C14orf93: variants seen among roughly 807,000 people sequenced by gnomAD.
C14orf93 encodes the protein uncharacterized protein C14orf93.
C14orf93 carries 23 observed loss-of-function variants against 44.0 expected under a neutral mutation model. That is an observed-to-expected ratio of 0.52 (90% confidence interval 0.38 to 0.74). The LOEUF (loss-of-function observed/expected upper bound fraction) is 0.74. Ranked by LOEUF, C14orf93 falls within the 30% of genes least tolerant of loss-of-function variation. The probability of loss-of-function intolerance (pLI) is 0.00; values close to 1 mark genes in which losing one functional copy is unlikely to be tolerated. For synonymous variants in C14orf93, 253 were observed against 265.7 expected (o/e 0.95, Z 0.46); for missense variants, 579 against 678.9 (o/e 0.85, Z 1.64).
chr14:22,993,396 C>T (rs2045779078), intron 3 of C14orf93, among the ~76,000 whole-genome samples: 1 of 152,316 alleles, frequency 6.6e-6, no homozygotes, highest in Middle Eastern at 3.4e-3. Flanking sequence ...GTATTGTCAA[C>T]TCTTTATGGC....
chr14:22,995,679 CAAAAAAAAAAAAAA>C (rs58710730), intron 3 of C14orf93, among the ~76,000 whole-genome samples: 1 of 45,040 alleles, frequency 2.2e-5, no homozygotes, highest in South Asian at 9.6e-4. Flanking sequence ...GACTCTGACT[CAAAAAAAAAAAAAA>C]AAAAAAAAAA....
Position 23,002,023 on chromosome 14 carries a change from A to C in C14orf93, c.-379-2621T>G, listed in dbSNP as rs540964864. Among the ~76,000 whole-genome samples, 122 of 150,252 alleles carry C rather than the reference A, an allele frequency of 8.1e-4. 1 individual carries two copies. The highest frequency in any genetic ancestry group is 1.5e-3 in the Admixed American group (23 of 15,030). On this transcript the variant is annotated intron_variant, in intron 1 of 6. Transcript: ENST00000299088. ...AATTAGCCGGGCGTGGTGGCGGGCG[A>C]CTGTAGTCCCAGCTACTCTGGAGGC... is the stretch of plus-strand genomic sequence containing the variant.
At chr14:22,998,296 C>T (rs532673354) in intron 2 of C14orf93, 131 bp downstream of exon 2, 83 of 1,255,580 alleles carry the variant, frequency 6.6e-5, no homozygotes, top group African/African-American at 6.4e-4. Context: ...GAAAAGGAAA[C>T]GTGGTACTGT....
chr14:22,989,754 T>G lies in C14orf93; in HGVS notation c.1072A>C (p.Lys358Gln). 6.2e-7 allele frequency: 1 copy of G among 1,612,668 alleles called. No individual in the cohort carries two copies. The highest frequency in any genetic ancestry group is 8.5e-7 in the Non-Finnish European group (1 of 1,178,608). Residue 358 changes from lysine (K) to glutamine (Q), a missense_variant, in exon 5 of 7, where the codon AAG becomes CAG. Physicochemically the swap from Lys to Gln is moderately conservative, Grantham distance 53. Coordinates refer to ENST00000299088, the MANE Select transcript of C14orf93 (RefSeq NM_021944.4). ...LVTSPHNYTD[K>Q]ELKGACVAYF... ...CAGTTTTTCTCACCTTTTAGCTCCTTATCAGTGTAATTGTGGGGACTGGTC... is the reference window on the plus strand; with the variant it reads ...CAGTTTTTCTCACCTTTTAGCTCCTGATCAGTGTAATTGTGGGGACTGGTC...
In C14orf93 at chr14:22,987,992, T is replaced by G; in HGVS notation, c.1108A>C (p.Thr370Pro). The change falls in exon 6 of 7, where the codon ACT becomes CCT. Residue 370 changes from threonine to proline, a missense_variant. Thr to Pro is a conservative substitution (Grantham distance 38). Transcript: ENST00000299088. The surrounding 1 kb of genome is among the most constrained non-coding windows in gnomAD (Gnocchi z 5.6). ...LKGACVAYFL[T>P]KRREYRNSLN... ...GAGTTGCGGTACTCACGCCTCTTAG[T>G]AAGGAAGTAGGCCACACAGGCTCCT... 6.2e-7 allele frequency: 1 copy of G among 1,613,434 alleles called. No homozygotes were observed. Among genetic ancestry groups the G allele is most frequent in the South Asian group, 1.1e-5 (1 of 91,048 alleles).
intron 5 of C14orf93, 151 bp from the exon 6 acceptor site, chr14:22,988,166 T>C (rs1180584220): frequency 1.7e-6 from 1 of 581,100 alleles, no homozygotes; most frequent in Non-Finnish European, 3.0e-6. Context: ...GTAGTTTCAC[T>C]CTTGTTGCCC....
At position 23,003,880 on chromosome 14, in the gene C14orf93, ATATATATATATATATATATTTTTTTT is replaced by A. The variant is rs1421604028; in HGVS notation, c.-379-4504_-379-4479del. Among the ~76,000 whole-genome samples the A allele has an allele frequency of 2.4e-3, 39 of 15,992 alleles. 1 individual carries two copies. The highest frequency in any genetic ancestry group is 8.4e-3 in the African/African-American group (38 of 4,532). 10.5% of individuals were successfully genotyped at this position (15,992 alleles called of 152,430 possible). On this transcript the variant is annotated intron_variant, in intron 1 of 6. Coordinates refer to ENST00000299088, the MANE Select transcript of C14orf93 (RefSeq NM_021944.4). ...TTCATATATATATATATATATATAT[ATATATATATATATATATATTTTTTTT>A]TTTTTTTTTTTTTTTTTTTTTGAGA...
intron 3 of C14orf93, among the ~76,000 whole-genome samples, chr14:22,992,629 G>C (rs1462282022): frequency 6.6e-6 from 1 of 151,244 alleles, no homozygotes; most frequent in Non-Finnish European, 1.5e-5. Flanking sequence ...CCAGGCTGGG[G>C]TGCAGTGGCG....
intron 2 of C14orf93, 37 bp downstream of exon 2, chr14:22,998,390 G>C: frequency 1.4e-6 from 2 of 1,468,694 alleles, no homozygotes; most frequent in Non-Finnish European, 1.8e-6. Flanking sequence ...GCCAGGAAAA[G>C]CACCTAGGAG....
rs1436345121 is a variant in C14orf93 at position 22,996,204 on chromosome 14, T to C, written c.662A>G (p.Lys221Arg). The C allele has an allele frequency of 1.2e-6, 2 of 1,611,682 alleles. No homozygotes were observed. Among genetic ancestry groups the C allele is most frequent in the Non-Finnish European group, 1.7e-6 (2 of 1,178,398 alleles). ...CAGTTGTGTGGCTGGTGAGAGTTGCTTGGCATAAGCAGGGACCAGAACTCG... is the reference window on the plus strand; with the variant it reads ...CAGTTGTGTGGCTGGTGAGAGTTGCCTGGCATAAGCAGGGACCAGAACTCG... ...VQRVLVPAYA[K>R]QLSPATQLAI... The change falls in exon 3 of 7, where the codon AAG becomes AGG. Residue 221 changes from lysine to arginine, a missense_variant. By Grantham distance (26) the Lys-to-Arg change is conservative. Transcript: ENST00000299088. This position sits in a 1 kb window ranked among gnomAD's most constrained non-coding sequence, Gnocchi z 4.1.
intron 3 of C14orf93, among the ~76,000 whole-genome samples, chr14:22,990,749 A>G (rs544598828): frequency 1.5e-4 from 22 of 151,586 alleles, no homozygotes; most frequent in Middle Eastern, 3.5e-3. Context: ...GATTACAGGC[A>G]TGAGCCACCA....
intron 1 of C14orf93, among the ~76,000 whole-genome samples, chr14:23,008,304 A>G (rs1008845156): frequency 7.9e-5 from 12 of 152,216 alleles, no homozygotes; most frequent in African/African-American, 2.9e-4. Flanking sequence ...GTCTGACTTG[A>G]ATTGTTAGAG....
At chr14:22,999,839 GTTATA>G (rs1238138134) in intron 1 of C14orf93, 6 of 152,300 alleles carry the variant, frequency 3.9e-5, no homozygotes, top group Admixed American at 2.0e-4. Flanking sequence ...ACTTCTCACT[GTTATA>G]TTATATCATT....
intron 1 of C14orf93, among the ~76,000 whole-genome samples, chr14:23,008,154 CAAAAAAAA>C (rs55936083): frequency 2.9e-4 from 25 of 85,088 alleles, no homozygotes; most frequent in African/African-American, 6.2e-4. Flanking sequence ...AACTCCGTTT[CAAAAAAAA>C]AAAAAAAAAA....
intron 1 of C14orf93, among the ~76,000 whole-genome samples, chr14:23,004,204 G>A (rs1379949717): frequency 3.0e-5 from 4 of 135,224 alleles, no homozygotes; most frequent in East Asian, 4.5e-4. Flanking sequence ...CATCGTTCCC[G>A]GCCAAAATAT....
chr14:23,009,281 G>T (rs1289499249), intron 1 of C14orf93, among the ~76,000 whole-genome samples: 1 of 152,134 alleles, frequency 6.6e-6, no homozygotes, highest in Admixed American at 6.5e-5. Context: ...TTTCTTCTAA[G>T]CTCTGCTTTG....
chr14:22,999,147 G>A lies in C14orf93; in HGVS notation c.-124C>T, dbSNP rs1345774890. 77 of 1,428,610 alleles carry A rather than the reference G, an allele frequency of 5.4e-5. No individual in the cohort carries two copies. The highest frequency in any genetic ancestry group is 7.1e-5 in the Non-Finnish European group (76 of 1,074,988). The allele number at this position is 1,428,610 out of a possible 1,614,324, so 88.5% of individuals were successfully genotyped here. A position where few individuals can be genotyped will look rare whatever the true frequency, so the allele number is the denominator to read the frequency against. On this transcript the variant is annotated 5_prime_UTR_variant, in exon 2 of 7. Transcript: ENST00000299088. ...ATGGTCAGAGGAGCCCAGGCCCCAA[G>A]CTGTAGGGTCTGTGAAAGAAGAGTA...
chr14:23,001,784 TTTCCTTGGTCGTCC>T (rs938650064), intron 1 of C14orf93, among the ~76,000 whole-genome samples: 1 of 147,672 alleles, frequency 6.8e-6, no homozygotes, highest in South Asian at 2.2e-4. Context: ...TTAAATAGTC[TTTCCTTGGTCGTCC>T]TTCCTTGGTC....
At chr14:23,000,570 A>G (rs1373596650) in intron 1 of C14orf93, among the ~76,000 whole-genome samples, 2 of 151,690 alleles carry the variant, frequency 1.3e-5, no homozygotes, top group African/African-American at 4.8e-5. Flanking sequence ...ACAAAAATTA[A>G]CCGGGCGTAG....
Sources: allele counts gnomAD v4.1 joint callset (sites outside exome capture counted in the v4.1 genomes callset), GRCh38; gene constraint gnomAD v4.1.1; non-coding constraint Gnocchi (gnomAD v3.1); transcripts MANE v1.5; gene names NCBI Gene and HGNC (gene_info 2026-07-23, HGNC 2026-07-21).